MADD: variants seen among roughly 807,000 people sequenced by gnomAD.
MADD encodes the protein MAP kinase activating death domain, also known as MAP kinase-activating death domain protein.
Under a neutral mutation model 176.7 loss-of-function variants are expected in MADD, and 109 were observed. The observed-to-expected ratio is 0.62, with a 90% confidence interval of 0.53 to 0.72. The LOEUF (loss-of-function observed/expected upper bound fraction) is 0.72. Ranked by LOEUF, MADD falls within the 30% of genes least tolerant of loss-of-function variation. The probability of loss-of-function intolerance (pLI) is 0.00; values close to 1 mark genes in which losing one functional copy is unlikely to be tolerated. For synonymous variants in MADD, 771 were observed against 771.3 expected (o/e 1.00, Z 0.01); for missense variants, 1,914 against 2,045.5 (o/e 0.94, Z 1.24).
At chr11:47,285,367 A>G (rs1592408853) in intron 13 of MADD, 84 bp from the exon 14 acceptor site, 4 of 1,579,354 alleles carry the variant, frequency 2.5e-6, no homozygotes, top group Admixed American at 1.7e-5. Context: ...GGGAGTGGCA[A>G]CTGTAGTATA....
Position 47,324,848 on chromosome 11 carries a change from C to T in MADD, c.4542+271C>T, listed in dbSNP as rs547365179. 66 of 632,610 alleles carry T rather than the reference C, an allele frequency of 1.0e-4. 3 individuals carry two copies. The South Asian group carries it at 1.2e-3, about 11-fold the overall frequency. The allele number at this position is 632,610 out of a possible 1,614,324, so 39.2% of individuals were successfully genotyped here. ...CCACGCTGCCCCATCCGTTGGACTC[C>T]ACACAGTGTGAGTGGGAGCGTCTCA... is the stretch of plus-strand genomic sequence containing the variant. On this transcript the variant is annotated intron_variant, in intron 30 of 32. Transcript: ENST00000402192.
At chr11:47,285,741 G>A (rs1336335843) in intron 14 of MADD, 151 bp downstream of exon 14, 2 of 1,039,226 alleles carry the variant, frequency 1.9e-6, no homozygotes, top group Non-Finnish European at 2.8e-6. Flanking sequence ...ACTGAATAAG[G>A]CGTTTTCAAG....
intron 25 of MADD, among the ~76,000 whole-genome samples, chr11:47,311,395 C>G (rs2089006921): frequency 6.6e-6 from 1 of 152,192 alleles, no homozygotes. Flanking sequence ...GTCATTGTTT[C>G]TGAATTACAC....
chr11:47,270,013 C>T (rs1296710082), upstream of MADD: 1 of 152,194 alleles, frequency 6.6e-6, no homozygotes, highest in African/African-American at 2.4e-5. Context: ...CCGCTGTCTC[C>T]CGAGGTCGGC....
At chr11:47,281,114 C>T (rs1369194510) in intron 7 of MADD, among the ~76,000 whole-genome samples, 2 of 152,198 alleles carry the variant, frequency 1.3e-5, no homozygotes, top group Admixed American at 6.5e-5. Flanking sequence ...TTCACGCTGC[C>T]CCATTGAGCC....
chr11:47,288,559 C>G (rs570478783), intron 15 of MADD, among the ~76,000 whole-genome samples: 1 of 152,276 alleles, frequency 6.6e-6, no homozygotes, highest in South Asian at 2.1e-4. Context: ...CTGCACTTAC[C>G]CTCTCACCCA....
At chr11:47,276,353 C>T (rs1166357943) in intron 4 of MADD, 151 bp downstream of exon 4, 3 of 728,832 alleles carry the variant, frequency 4.1e-6, no homozygotes, top group South Asian at 2.0e-5. Context: ...GCAGGTGTTC[C>T]GTAGATGTGG....
chr11:47,327,468 G>T, intron 31 of MADD: 1 of 985,410 alleles, frequency 1.0e-6, no homozygotes. Flanking sequence ...GGCTCGTGCT[G>T]CCTCTCCCCA....
chr11:47,327,836 C>G, intron 31 of MADD: 5 of 985,438 alleles, frequency 5.1e-6, no homozygotes, highest in Non-Finnish European at 6.0e-6. Context: ...CCCCTCTGCT[C>G]CCAGTCTCAA....
intron 7 of MADD, 78 bp downstream of exon 7, chr11:47,279,157 C>A: frequency 7.3e-7 from 1 of 1,368,894 alleles, no homozygotes; most frequent in Non-Finnish European, 1.0e-6. Flanking sequence ...ATTCTCAGAG[C>A]CAATTTCCTA....
chr11:47,273,668 C>T (rs1591587678), intron 1 of MADD, among the ~76,000 whole-genome samples, 159 bp from the exon 2 acceptor site: 2 of 152,278 alleles, frequency 1.3e-5, no homozygotes, highest in African/African-American at 4.8e-5. Context: ...TCTGTGAGCT[C>T]ATGAGCCTAG....
Position 47,304,677 on chromosome 11 carries a change from C to T in MADD, c.3643-3914C>T, listed in dbSNP as rs532216375. Among the ~76,000 whole-genome samples, 561 of 152,178 alleles carry T rather than the reference C, an allele frequency of 3.7e-3. 2 individuals are homozygous for T. Among genetic ancestry groups the T allele is most frequent in the Non-Finnish European group, 6.0e-3 (406 of 68,014 alleles). On this transcript the variant is annotated intron_variant, in intron 22 of 32. Coordinates refer to ENST00000402192, the Ensembl canonical transcript of MADD. The stretch of plus-strand genomic sequence containing the variant: ...TTGTTGAATCATCTATCTGTATTTT[C>T]TTGTATCTCATTGCATTTCCTTAAG...
chr11:47,282,134 C>A (rs2057371184), intron 8 of MADD, among the ~76,000 whole-genome samples: 1 of 151,914 alleles, frequency 6.6e-6, no homozygotes, highest in East Asian at 1.9e-4. Context: ...CGCACCCAGC[C>A]CAGGGTTTCT....
chr11:47,270,726 C>T (rs1029467887), intron 1 of MADD: 3 of 152,186 alleles, frequency 2.0e-5, no homozygotes, highest in African/African-American at 7.2e-5. Context: ...ACCATTTCAT[C>T]TTTCTGCAAT....
chr11:47,295,970 G>A, exon 22 of MADD: 5 of 1,614,072 alleles, frequency 3.1e-6, no homozygotes, highest in Non-Finnish European at 4.2e-6. Flanking sequence ...GGACCAGGTG[G>A]CGAGGGCAGT....
intron 2 of MADD, among the ~76,000 whole-genome samples, chr11:47,274,225 TA>T (rs1483148059): frequency 6.6e-6 from 1 of 152,238 alleles, no homozygotes; most frequent in Non-Finnish European, 1.5e-5. Flanking sequence ...TCTTATTTTG[TA>T]AAAAGAAAAA....
At chr11:47,270,959 C>T (rs957376882) in intron 1 of MADD, 1 of 152,310 alleles carries the variant, frequency 6.6e-6, no homozygotes, top group Admixed American at 6.5e-5. Context: ...CTCTCTGGTT[C>T]CTGTGGTTTT....
intron 27 of MADD, among the ~76,000 whole-genome samples, chr11:47,316,737 T>C (rs537621270): frequency 3.0e-4 from 46 of 151,944 alleles, no homozygotes; most frequent in South Asian, 1.5e-3. Context: ...CAAATTCTTA[T>C]TTTCCTCCTT....
intron 27 of MADD, 66 bp from the exon 31 acceptor site, chr11:47,323,605 A>G (rs913105264): frequency 1.1e-5 from 17 of 1,547,052 alleles, no homozygotes; most frequent in Admixed American, 1.0e-4. Context: ...CTTTCCCTGT[A>G]GGAAACAGTC....
Sources: allele counts gnomAD v4.1 joint callset (sites outside exome capture counted in the v4.1 genomes callset), GRCh38; gene constraint gnomAD v4.1.1; transcripts MANE v1.5; gene names NCBI Gene and HGNC (gene_info 2026-07-23, HGNC 2026-07-21).